Variants in NBEA observed in about 807,000 individuals in gnomAD.
The protein encoded by NBEA is lysosomal-trafficking regulator 2.
A neutral mutation model predicts 343.4 loss-of-function variants in NBEA; 44 were observed. The ratio of observed to expected loss-of-function variants is 0.13; its 90% confidence interval spans 0.10 to 0.16. The LOEUF (loss-of-function observed/expected upper bound fraction) is 0.16, where lower values mean the gene tolerates loss of function less well. Among genes scored for constraint, NBEA ranks in the 10% least tolerant of loss-of-function variants. NBEA has a pLI of 1.00. For synonymous variants in NBEA, 1,175 were observed against 1,238.7 expected, an observed-to-expected ratio of 0.95 and a Z score of 1.08; for missense variants, 2,555 against 3,631.3, an observed-to-expected ratio of 0.70 and a Z score of 7.62.
chr13:35,133,637 G>A (rs2067550905), intron 17 of NBEA, among the ~76,000 whole-genome samples: 1 of 152,122 alleles, frequency 6.6e-6, no homozygotes, highest in South Asian at 2.1e-4. Context: ...GAAAATGAAT[G>A]AAGTAAAGTT....
Position 35,410,478 on chromosome 13 carries a change from C to G in NBEA, c.6180-21791C>G, listed in dbSNP as rs571287265. Among the ~76,000 whole-genome samples, 141 of 151,972 alleles carry G rather than the reference C, an allele frequency of 9.3e-4. 1 individual carries two copies. Among genetic ancestry groups the G allele is most frequent in the Middle Eastern group, 6.8e-3 (2 of 294 alleles). On this transcript the variant is annotated intron_variant, in intron 38 of 58. Coordinates refer to ENST00000379939, the MANE Select transcript of NBEA (RefSeq NM_001385012.1). Reference sequence around the variant, plus strand: ...AGAAGACCCTGAAATAATACATAGGCAAGAGTCAGAATAGTAGTAATGGCT... The same window carrying G: ...AGAAGACCCTGAAATAATACATAGGGAAGAGTCAGAATAGTAGTAATGGCT...
intron 41 of NBEA, among the ~76,000 whole-genome samples, chr13:35,491,298 A>T (rs1447686132): frequency 2.0e-5 from 3 of 151,844 alleles, no homozygotes; most frequent in Non-Finnish European, 4.4e-5. Flanking sequence ...TTCAAACAAT[A>T]CTCGCCAATA....
chr13:35,564,894 T>C (rs936307970), intron 44 of NBEA, among the ~76,000 whole-genome samples: 1 of 152,234 alleles, frequency 6.6e-6, no homozygotes, highest in Non-Finnish European at 1.5e-5. Flanking sequence ...GTCATTTTAT[T>C]CCATTTTTAT....
At chr13:35,312,209 G>C (rs1428551808) in intron 36 of NBEA, among the ~76,000 whole-genome samples, 1 of 152,196 alleles carries the variant, frequency 6.6e-6, no homozygotes, top group East Asian at 1.9e-4. Flanking sequence ...TATAGGTAAT[G>C]ATGCAATCGT....
chr13:35,251,734 G>T, intron 34 of NBEA: 1 of 264,750 alleles, frequency 3.8e-6, no homozygotes, highest in South Asian at 5.2e-5. Context: ...ACCCGATGGA[G>T]CTGTACATGC....
chr13:35,267,193 C>A (rs972345105), intron 34 of NBEA, among the ~76,000 whole-genome samples: 1 of 151,718 alleles, frequency 6.6e-6, no homozygotes, highest in Non-Finnish European at 1.5e-5. Flanking sequence ...TGGACACAGG[C>A]AGTTCAAAGC....
chr13:35,540,934 C>G lies in NBEA; in HGVS notation c.6586-9543C>G, dbSNP rs1303801285. On this transcript the variant is annotated intron_variant, in intron 41 of 58. Transcript: ENST00000379939. ...AGATTTGAAACAGTATTGCACTTCT[C>G]TAGTCCAAATAGCGTCTACCTTGCA... is the stretch of plus-strand genomic sequence containing the variant. Among the ~76,000 whole-genome samples the G allele has an allele frequency of 2.6e-5, 4 of 152,160 alleles. No homozygotes were observed. In the East Asian group the frequency reaches 7.7e-4, roughly 29 times the overall value.
chr13:35,629,281 C>T (rs2083355665), intron 49 of NBEA, among the ~76,000 whole-genome samples: 1 of 152,154 alleles, frequency 6.6e-6, no homozygotes, highest in African/African-American at 2.4e-5. Context: ...ATCATTTCTG[C>T]ATCTCCAGCC....
At chr13:35,595,621 G>C (rs1195046414) in intron 47 of NBEA, among the ~76,000 whole-genome samples, 1 of 152,002 alleles carries the variant, frequency 6.6e-6, no homozygotes, top group Non-Finnish European at 1.5e-5. Flanking sequence ...GAACATCTTT[G>C]CACAGACATC....
chr13:35,156,156 A>G lies in NBEA; in HGVS notation c.2601A>G (p.Leu867=), dbSNP rs751714084. The change falls in exon 20 of 59, where the codon TTA becomes TTG. Residue 867 remains leucine, a synonymous_variant. Coordinates refer to ENST00000379939, the MANE Select transcript of NBEA (RefSeq NM_001385012.1). The part of the protein sequence containing the change: ...PSAELMEVRR[L]FLSDMIKLFS... The stretch of plus-strand genomic sequence containing the variant: ...CAGAGCTGATGGAAGTTCGTCGTTT[A>G]TTTTTATCTGATATGATAAAACTTT... 3 of 1,590,776 alleles carry G rather than the reference A, an allele frequency of 1.9e-6. No individual in the cohort carries two copies. Among genetic ancestry groups the G allele is most frequent in the Non-Finnish European group, 2.6e-6 (3 of 1,169,330 alleles).
Position 35,658,451 on chromosome 13 carries a change from A to G in NBEA, c.8362+2702A>G, listed in dbSNP as rs191601783. Among the ~76,000 whole-genome samples, 118 of 152,342 alleles carry G rather than the reference A, an allele frequency of 7.7e-4. 1 individual carries two copies. The highest frequency in any genetic ancestry group is 2.6e-3 in the African/African-American group (109 of 41,594). ...GCACCTAAAGTATTAGTCAAGCAAC[A>G]GTATGTGTTGGGTGCCTACTGTGTG... On this transcript the variant is annotated intron_variant, in intron 55 of 58. Transcript: ENST00000379939.
At chr13:34,943,350 T>TAA (rs2059090605) in intron 1 of NBEA, among the ~76,000 whole-genome samples, 1 of 152,060 alleles carries the variant, frequency 6.6e-6, no homozygotes, top group East Asian at 1.9e-4. Context: ...GTGCCCAACT[T>TAA]AACACCGCTT....
At position 35,211,173 on chromosome 13, in the gene NBEA, A is replaced by G. The variant is rs1038135514; in HGVS notation, c.5642A>G (p.Asn1881Ser). The change falls in exon 33 of 59, where the codon AAT (asparagine) becomes AGT (serine). Residue 1881 changes from asparagine to serine, a missense_variant. Asn to Ser is a conservative substitution (Grantham distance 46). Coordinates refer to ENST00000379939, the MANE Select transcript of NBEA (RefSeq NM_001385012.1). ...CCAATGCCAGAAGATTCAGCTGAAA[A>G]TATGAGGTATGCATGACTACTTTTT... ...VAPMPEDSAENMSITAKLERA... is the reference protein window; with the variant it reads ...VAPMPEDSAESMSITAKLERA... 4 of 1,554,142 alleles carry G rather than the reference A, an allele frequency of 2.6e-6. No individual in the cohort carries two copies. Among genetic ancestry groups the G allele is most frequent in the Non-Finnish European group, 3.5e-6 (4 of 1,147,760 alleles).
At chr13:35,256,609 G>A (rs530305069) in intron 34 of NBEA, among the ~76,000 whole-genome samples, 15 of 152,242 alleles carry the variant, frequency 9.9e-5, no homozygotes, top group African/African-American at 3.4e-4. Flanking sequence ...GCCGAGGGGC[G>A]CCTGCAGGCT....
At chr13:35,015,502 C>T (rs948628957) in intron 1 of NBEA, among the ~76,000 whole-genome samples, 4 of 151,922 alleles carry the variant, frequency 2.6e-5, no homozygotes, top group Non-Finnish European at 4.4e-5. Context: ...TATACAACTA[C>T]TTTCCATTTT....
intron 55 of NBEA, among the ~76,000 whole-genome samples, chr13:35,663,903 A>G (rs989542629): frequency 3.9e-5 from 6 of 152,182 alleles, no homozygotes; most frequent in Non-Finnish European, 7.3e-5. Flanking sequence ...CCTCAAAAAC[A>G]AAATTGGAGC....
chr13:35,082,313 A>C (rs571056942), intron 10 of NBEA, among the ~76,000 whole-genome samples: 1 of 152,130 alleles, frequency 6.6e-6, no homozygotes, highest in South Asian at 2.1e-4. Flanking sequence ...AATCCAGTCT[A>C]TCATTGTTGG....
At chr13:35,121,881 G>A (rs1428576492) in intron 16 of NBEA, among the ~76,000 whole-genome samples, 1 of 151,888 alleles carries the variant, frequency 6.6e-6, no homozygotes, top group African/African-American at 2.4e-5. Flanking sequence ...ATATGCCATG[G>A]CATTTTATTT....
chr13:35,503,500 C>A (rs2076966433), intron 41 of NBEA, among the ~76,000 whole-genome samples: 1 of 151,708 alleles, frequency 6.6e-6, no homozygotes, highest in South Asian at 2.1e-4. Context: ...TGTATGAATA[C>A]CATATATTAA....
Sources: allele counts gnomAD v4.1 joint callset (sites outside exome capture counted in the v4.1 genomes callset), GRCh38; gene constraint gnomAD v4.1.1; transcripts MANE v1.5; gene names NCBI Gene and HGNC (gene_info 2026-07-23, HGNC 2026-07-21).